The following CHSY1 variants were observed in gnomAD, a reference collection of about 807,000 sequenced individuals.
CHSY1 encodes the protein N-acetylgalactosaminyl-proteoglycan 3-beta-glucuronosyltransferase 1.
A neutral mutation model predicts 59.8 loss-of-function variants in CHSY1; 13 were observed. The ratio of observed to expected loss-of-function variants is 0.22; its 90% confidence interval spans 0.14 to 0.35. CHSY1 has a LOEUF of 0.35. Among genes scored for constraint, CHSY1 ranks in the 10% least tolerant of loss-of-function variants. The pLI is 1.00. For missense variants in CHSY1, 947 were observed against 1,030.6 expected (o/e 0.92, Z 1.11); for synonymous variants, 459 against 401.2 (o/e 1.14, Z -1.72).
At chr15:101,225,841 G>C (rs193218879) in intron 2 of CHSY1, among the ~76,000 whole-genome samples, 69 of 152,336 alleles carry the variant, frequency 4.5e-4, no homozygotes, top group Non-Finnish European at 1.3e-4. Context: ...GGTGATAACA[G>C]CTGTGATCTC....
intron 2 of CHSY1, among the ~76,000 whole-genome samples, chr15:101,195,822 C>CA (rs777935360): frequency 0.28 from 20,530 of 74,070 alleles, 2,376 homozygotes; most frequent in Non-Finnish European, 0.36. Context: ...GACTCCGTCT[C>CA]AAAAAAAAAA....
chr15:101,239,670 G>C (rs2038982672), intron 1 of CHSY1, among the ~76,000 whole-genome samples: 1 of 152,204 alleles, frequency 6.6e-6, no homozygotes, highest in Non-Finnish European at 1.5e-5. Context: ...GGACTAGTCA[G>C]TCTCAGGAGC....
chr15:101,205,936 A>ACT, intron 2 of CHSY1, among the ~76,000 whole-genome samples: 1 of 151,890 alleles, frequency 6.6e-6, no homozygotes, highest in African/African-American at 2.4e-5. Flanking sequence ...TGGGCGAAAG[A>ACT]GAGAGACTCC....
At chr15:101,227,635 G>T (rs2038854032) in intron 2 of CHSY1, among the ~76,000 whole-genome samples, 1 of 152,180 alleles carries the variant, frequency 6.6e-6, no homozygotes, top group Non-Finnish European at 1.5e-5. Flanking sequence ...AAAGACCCAA[G>T]AAGGCCCTAA....
chr15:101,212,186 T>C (rs2038688567), intron 2 of CHSY1, among the ~76,000 whole-genome samples: 1 of 152,176 alleles, frequency 6.6e-6, no homozygotes. Flanking sequence ...GGACATGAAA[T>C]AACCAGAACT....
chr15:101,217,116 T>C (rs942581457), intron 2 of CHSY1, among the ~76,000 whole-genome samples: 2 of 152,188 alleles, frequency 1.3e-5, no homozygotes, highest in Non-Finnish European at 2.9e-5. Flanking sequence ...CAAAGAGATA[T>C]ATGTTAATTC....
chr15:101,244,174 C>T (rs1398910664), intron 1 of CHSY1, among the ~76,000 whole-genome samples: 4 of 152,146 alleles, frequency 2.6e-5, no homozygotes, highest in Admixed American at 6.5e-5. Flanking sequence ...TTTTCTTGTT[C>T]ACCCAATGCC....
intron 2 of CHSY1, among the ~76,000 whole-genome samples, chr15:101,189,843 AG>A (rs751887167): frequency 1.3e-5 from 2 of 152,258 alleles, no homozygotes; most frequent in African/African-American, 2.4e-5. Flanking sequence ...GGGACAGTGG[AG>A]GCCTGGTGAG....
chr15:101,206,505 A>G (rs8040668), intron 2 of CHSY1, among the ~76,000 whole-genome samples: 77,931 of 151,618 alleles, frequency 0.51, 23,208 homozygotes, highest in African/African-American at 0.83. Context: ...GATCACCACC[A>G]AGATCCGTTT....
chr15:101,224,617 C>G (rs2038821723), intron 2 of CHSY1, among the ~76,000 whole-genome samples: 2 of 152,230 alleles, frequency 1.3e-5, no homozygotes, highest in Non-Finnish European at 2.9e-5. Flanking sequence ...ATGTGCCCAT[C>G]AGCAAGCACC....
At chr15:101,246,225 C>T (rs542385210) in intron 1 of CHSY1, among the ~76,000 whole-genome samples, 1 of 152,092 alleles carries the variant, frequency 6.6e-6, no homozygotes, top group East Asian at 1.9e-4. Flanking sequence ...TTTCTTCTGA[C>T]AACATAAAAA....
chr15:101,211,160 C>G (rs1039699581), intron 2 of CHSY1, among the ~76,000 whole-genome samples: 4 of 152,114 alleles, frequency 2.6e-5, no homozygotes, highest in African/African-American at 9.7e-5. Context: ...CCTGTCTCTA[C>G]TAAAAATACA....
chr15:101,224,225 C>T (rs1020687901), intron 2 of CHSY1, among the ~76,000 whole-genome samples: 5 of 152,224 alleles, frequency 3.3e-5, no homozygotes, highest in African/African-American at 9.6e-5. Context: ...CATTAAGTAA[C>T]ACATTACTGC....
At chr15:101,187,381 AG>A (rs2038384639) in intron 2 of CHSY1, among the ~76,000 whole-genome samples, 1 of 152,088 alleles carries the variant, frequency 6.6e-6, no homozygotes, top group South Asian at 2.1e-4. Flanking sequence ...CGGGAGGGTG[AG>A]GTGGGAGAAT....
At chr15:101,216,504 A>G (rs1007328974) in intron 2 of CHSY1, among the ~76,000 whole-genome samples, 1 of 152,266 alleles carries the variant, frequency 6.6e-6, no homozygotes, top group African/African-American at 2.4e-5. Context: ...GTGGGTGAAC[A>G]GATATGGTAC....
At chr15:101,221,147 T>C (rs137936211) in intron 2 of CHSY1, among the ~76,000 whole-genome samples, 128 of 152,340 alleles carry the variant, frequency 8.4e-4, no homozygotes, top group African/African-American at 2.9e-3. Context: ...TGGCAGCCCC[T>C]ATGCCTATAG....
chr15:101,192,590 G>A (rs1163506253), intron 2 of CHSY1, among the ~76,000 whole-genome samples: 2 of 151,626 alleles, frequency 1.3e-5, no homozygotes, highest in Non-Finnish European at 2.9e-5. Flanking sequence ...AATATCTTCA[G>A]AAATACGAGA....
At chr15:101,230,769 T>C (rs2038885509) in intron 2 of CHSY1, among the ~76,000 whole-genome samples, 1 of 152,224 alleles carries the variant, frequency 6.6e-6, no homozygotes, top group Non-Finnish European at 1.5e-5. Context: ...TGTTTTATAT[T>C]TAAAATCAGT....
chr15:101,207,246 C>A (rs1022710287), intron 2 of CHSY1, among the ~76,000 whole-genome samples: 1 of 152,170 alleles, frequency 6.6e-6, no homozygotes, highest in African/African-American at 2.4e-5. Context: ...TTCTTCTATA[C>A]CTCATTTTTG....
Sources: allele counts gnomAD v4.1 joint callset (sites outside exome capture counted in the v4.1 genomes callset), GRCh38; gene constraint gnomAD v4.1.1; transcripts MANE v1.5; gene names NCBI Gene and HGNC (gene_info 2026-07-23, HGNC 2026-07-21).